SRGAP2C: variants seen among roughly 807,000 people sequenced by gnomAD.
SRGAP2C encodes SLIT-ROBO Rho GTPase activating protein 2C, also known as SLIT-ROBO Rho GTPase-activating protein 2C.
Under a neutral mutation model 25.1 loss-of-function variants are expected in SRGAP2C, and 15 were observed. That is an observed-to-expected ratio of 0.60 (90% CI 0.40 to 0.92). The LOEUF is 0.92. Among genes scored for constraint, SRGAP2C ranks in the 40% least tolerant of loss-of-function variants. The pLI, the probability that SRGAP2C is intolerant of heterozygous loss-of-function variation, is 0.00. For missense variants in SRGAP2C, 144 were observed against 264.4 expected (o/e 0.54, Z 3.16); for synonymous variants, 44 against 96.6 (o/e 0.46, Z 3.19).
chr1:121,332,568 A>T (rs1268650230), intron 4 of SRGAP2C, among the ~76,000 whole-genome samples: 1 of 152,126 alleles, frequency 6.6e-6, no homozygotes, highest in Non-Finnish European at 1.5e-5. Flanking sequence ...GATGTTAAAC[A>T]TGTCCTTTTG....
chr1:121,254,519 GA>G (rs1344628709), intron 2 of SRGAP2C, among the ~76,000 whole-genome samples: 39 of 140,410 alleles, frequency 2.8e-4, no homozygotes, highest in African/African-American at 1.0e-3. Context: ...GCAAAGTGAA[GA>G]AAATAATTAT....
rs1419329280 is a variant in SRGAP2C at position 121,281,554 on chromosome 1, CA to C, written c.68-3248del. On this transcript the variant is annotated intron_variant, in intron 2 of 9. Coordinates refer to ENST00000367123, the MANE Select transcript of SRGAP2C (RefSeq NM_001329984.2). Reference sequence around the variant, plus strand: ...ACAGAGCCTCTTTTTTTTCCTGGATCAGGGGTGGGGATATTGCTTTCTTACT... The same window carrying C: ...ACAGAGCCTCTTTTTTTTCCTGGATCGGGGTGGGGATATTGCTTTCTTACT... 4.7e-5 allele frequency among the ~76,000 whole-genome samples: 6 copies of C among 127,976 alleles called. No homozygotes were observed. The East Asian group carries it at 1.2e-3, about 25-fold the overall frequency. 84.0% of individuals were successfully genotyped at this position (127,976 alleles called of 152,430 possible).
chr1:121,312,286 T>C (rs1657982099), intron 3 of SRGAP2C, among the ~76,000 whole-genome samples: 2 of 50,888 alleles, frequency 3.9e-5, no homozygotes, highest in Non-Finnish European at 8.0e-5. Context: ...TTTATCATTT[T>C]TTATTGTGTC....
intron 2 of SRGAP2C, among the ~76,000 whole-genome samples, chr1:121,268,745 G>T (rs1293673536): frequency 1.8e-5 from 2 of 108,444 alleles, no homozygotes; most frequent in African/African-American, 5.5e-5. Flanking sequence ...GGAACGTGCT[G>T]GGGTGTGGTC....
At chr1:121,257,350 G>A (rs371646317) in intron 2 of SRGAP2C, among the ~76,000 whole-genome samples, 7 of 149,908 alleles carry the variant, frequency 4.7e-5, no homozygotes, top group African/African-American at 7.4e-5. Context: ...TCTTGACCTC[G>A]TGATCCACCA....
chr1:121,347,594 G>T (rs1165126332), intron 4 of SRGAP2C, among the ~76,000 whole-genome samples: 1 of 152,168 alleles, frequency 6.6e-6, no homozygotes, highest in African/African-American at 2.4e-5. Flanking sequence ...TCAACTTGCT[G>T]GTTTTAAGTC....
chr1:121,272,828 CTT>C (rs1433292059), intron 2 of SRGAP2C, among the ~76,000 whole-genome samples: 18 of 151,982 alleles, frequency 1.2e-4, no homozygotes, highest in South Asian at 2.1e-4. Context: ...AGTGGTCCCT[CTT>C]TGTGAAATGG....
intron 5 of SRGAP2C, among the ~76,000 whole-genome samples, chr1:121,370,741 G>T (rs1223855961): frequency 6.6e-6 from 1 of 151,390 alleles, no homozygotes; most frequent in Non-Finnish European, 1.5e-5. Context: ...ACCATGCCCG[G>T]CCTGTTCTCA....
At chr1:121,328,197 A>C (rs1658355499) in intron 4 of SRGAP2C, among the ~76,000 whole-genome samples, 1 of 152,124 alleles carries the variant, frequency 6.6e-6, no homozygotes. Context: ...AGAAATACCA[A>C]ATTGGGATCC....
chr1:121,301,449 G>GT (rs1241800737), intron 3 of SRGAP2C, among the ~76,000 whole-genome samples: 1 of 150,312 alleles, frequency 6.7e-6, no homozygotes, highest in Non-Finnish European at 1.5e-5. Context: ...GTTGTTTTTT[G>GT]TTTTTTGAGA....
chr1:121,348,573 A>G (rs1658812606), intron 4 of SRGAP2C, among the ~76,000 whole-genome samples: 1 of 151,356 alleles, frequency 6.6e-6, no homozygotes, highest in African/African-American at 2.4e-5. Flanking sequence ...AAAAACTGAT[A>G]CATCAAGAAT....
intron 4 of SRGAP2C, among the ~76,000 whole-genome samples, chr1:121,355,170 CA>C (rs1446802632): frequency 6.8e-6 from 1 of 146,164 alleles, no homozygotes; most frequent in Non-Finnish European, 1.5e-5. Flanking sequence ...ATCATCACCC[CA>C]ATGAGAGATT....
At chr1:121,347,757 G>T (rs1553344316) in intron 4 of SRGAP2C, among the ~76,000 whole-genome samples, 1 of 152,088 alleles carries the variant, frequency 6.6e-6, no homozygotes, top group Non-Finnish European at 1.5e-5. Context: ...GAGGAGCCCT[G>T]TAGCGCCTGT....
At chr1:121,268,293 G>T (rs183191768) in intron 2 of SRGAP2C, among the ~76,000 whole-genome samples, 9 of 151,158 alleles carry the variant, frequency 6.0e-5, no homozygotes, top group African/African-American at 1.7e-4. Context: ...TGCTTCCAGC[G>T]AAGGGAAGCA....
intron 3 of SRGAP2C, among the ~76,000 whole-genome samples, chr1:121,321,722 T>C (rs1434013937): frequency 1.3e-5 from 2 of 151,364 alleles, no homozygotes; most frequent in African/African-American, 2.4e-5. Context: ...ATAAAACTTA[T>C]TAGCATTAAG....
At chr1:121,271,348 G>A (rs1245956082) in intron 2 of SRGAP2C, among the ~76,000 whole-genome samples, 1 of 146,922 alleles carries the variant, frequency 6.8e-6, no homozygotes, top group Non-Finnish European at 1.5e-5. Context: ...CTTAGATTGG[G>A]CAACAGTAAC....
At chr1:121,353,359 A>AT (rs1228025687) in intron 4 of SRGAP2C, among the ~76,000 whole-genome samples, 1 of 141,340 alleles carries the variant, frequency 7.1e-6, no homozygotes, top group African/African-American at 2.6e-5. Flanking sequence ...CTTATTTTTT[A>AT]TTTTTTGTAA....
chr1:121,192,007 C>T, intron 2 of SRGAP2C, among the ~76,000 whole-genome samples: 1 of 150,750 alleles, frequency 6.6e-6, no homozygotes, highest in African/African-American at 2.4e-5. Flanking sequence ...AAAGTGCAGG[C>T]CTTTGCTTGG....
At chr1:121,366,026 G>T (rs1659311242) in intron 5 of SRGAP2C, among the ~76,000 whole-genome samples, 1 of 140,868 alleles carries the variant, frequency 7.1e-6, no homozygotes, top group African/African-American at 2.6e-5. Flanking sequence ...AGGTGGTGGT[G>T]GTGGTTGTTC....
Sources: gnomAD v4.1 joint callset for allele counts (sites outside exome capture counted in the v4.1 genomes callset) on GRCh38, gnomAD v4.1.1 for gene constraint, MANE v1.5 for transcripts, NCBI Gene and HGNC (gene_info 2026-07-23, HGNC 2026-07-21) for gene names.